WSCD1: variants seen among roughly 807,000 people sequenced by gnomAD.
WSCD1 encodes the protein WSC domain sialate O sulfotransferase 1, also known as sialate:O-sulfotransferase 1.
Under a neutral mutation model 60.4 loss-of-function variants are expected in WSCD1, and 41 were observed. The observed-to-expected ratio is 0.68, with a 90% CI of 0.53 to 0.88. The LOEUF is 0.88. Ranked by LOEUF, WSCD1 falls within the 40% of genes least tolerant of loss-of-function variation. The pLI is 0.00. For missense variants in WSCD1, 784 were observed against 796.2 expected (o/e 0.98, Z 0.18); for synonymous variants, 361 against 332.5 (o/e 1.09, Z -0.93).
chr17:6,101,882 A>G lies in WSCD1; in HGVS notation c.849+6659A>G, dbSNP rs1261016092. 6.6e-6 allele frequency among the ~76,000 whole-genome samples: 1 copy of G among 152,178 alleles called. No homozygotes were observed. Among genetic ancestry groups the G allele is most frequent in the African/African-American group, 2.4e-5 (1 of 41,438 alleles). ...ATATTTGTGCTCAAGTAGATAGGCC[A>G]TTTGTGGGGGTGCTCCGAAAGGAGG... On this transcript the variant is annotated intron_variant, in intron 5 of 8. Coordinates refer to ENST00000317744, the MANE Select transcript of WSCD1 (RefSeq NM_015253.2). This position sits in a 1 kb window ranked among gnomAD's most constrained non-coding sequence, Gnocchi z 4.1.
chr17:6,114,426 G>A (rs1353571420), intron 7 of WSCD1, among the ~76,000 whole-genome samples: 2 of 151,962 alleles, frequency 1.3e-5, no homozygotes, highest in African/African-American at 4.8e-5. Context: ...AAGTCCTAGT[G>A]TTTTATAGCA....
chr17:6,111,906 C>T (rs1017240195), intron 7 of WSCD1, among the ~76,000 whole-genome samples: 4 of 151,956 alleles, frequency 2.6e-5, no homozygotes, highest in South Asian at 2.1e-4. Context: ...TTTTATGATC[C>T]GAATGAGAAA....
At chr17:6,085,001 G>C (rs1909537019) in intron 2 of WSCD1, 1 of 152,230 alleles carries the variant, frequency 6.6e-6, no homozygotes, top group Non-Finnish European at 1.5e-5. Context: ...CAAATGGCCA[G>C]CTGGTCACAG....
At position 6,122,871 on chromosome 17, in the gene WSCD1, T is replaced by C. The variant is rs1904800071; in HGVS notation, c.*2210T>C. ...CAGGCAAGTAGAGTGATGGGGTCAG[T>C]GTCCATCCAGTTTACGCTGAGTCAG... On this transcript the variant is annotated 3_prime_UTR_variant, in exon 9 of 9. Transcript: ENST00000317744. 5 of 152,256 alleles carry C rather than the reference T, an allele frequency of 3.3e-5. No homozygotes were observed. The highest frequency in any genetic ancestry group is 3.3e-4 in the Admixed American group (5 of 15,284). 9.4% of individuals were successfully genotyped at this position (152,256 alleles called of 1,614,324 possible). A position where few individuals can be genotyped will look rare whatever the true frequency, so the allele number is the denominator to read the frequency against.
intron 1 of WSCD1, among the ~76,000 whole-genome samples, chr17:6,076,532 A>G (rs1908874199): frequency 1.3e-5 from 2 of 152,336 alleles, no homozygotes; most frequent in South Asian, 2.1e-4. Flanking sequence ...TTTTGCATTC[A>G]TAACCAATCC....
chr17:6,070,193 G>A (rs1908438067), upstream of WSCD1, among the ~76,000 whole-genome samples: 1 of 151,090 alleles, frequency 6.6e-6, no homozygotes, highest in African/African-American at 2.4e-5. Context: ...AGTGGGTGGC[G>A]GCGTCTCTGC....
chr17:6,078,291 T>C (rs907576858), intron 1 of WSCD1, among the ~76,000 whole-genome samples: 33 of 152,216 alleles, frequency 2.2e-4, no homozygotes, highest in African/African-American at 7.7e-4. Flanking sequence ...TTACAGACTT[T>C]GGAGGGTAAC....
intron 1 of WSCD1, among the ~76,000 whole-genome samples, chr17:6,078,913 G>A (rs1909043379): frequency 6.6e-6 from 1 of 152,096 alleles, no homozygotes; most frequent in Non-Finnish European, 1.5e-5. Context: ...TCTGGGGTGG[G>A]CCTGGCAGAC....
At chr17:6,094,821 A>G (rs1371519353) in intron 4 of WSCD1, among the ~76,000 whole-genome samples, 1 of 151,832 alleles carries the variant, frequency 6.6e-6, no homozygotes, top group East Asian at 1.9e-4. Flanking sequence ...GGAGGAAGGA[A>G]TGACTTATGG....
At chr17:6,096,553 A>G (rs1232050477) in intron 5 of WSCD1, among the ~76,000 whole-genome samples, 1 of 152,182 alleles carries the variant, frequency 6.6e-6, no homozygotes, top group Admixed American at 6.5e-5. Context: ...CTGCGTCACC[A>G]GCATTTCCGA....
At chr17:6,085,229 C>G (rs1327050275) in intron 2 of WSCD1, among the ~76,000 whole-genome samples, 1 of 152,134 alleles carries the variant, frequency 6.6e-6, no homozygotes, top group Non-Finnish European at 1.5e-5. Flanking sequence ...CATCTGTTAT[C>G]TCATTTAATT....
chr17:6,112,408 C>T (rs755884840), intron 7 of WSCD1, among the ~76,000 whole-genome samples: 1 of 152,142 alleles, frequency 6.6e-6, no homozygotes, highest in Non-Finnish European at 1.5e-5. Context: ...GACAAGGATG[C>T]CCACTTTCAC....
At chr17:6,069,160 G>C (rs1908360200), upstream of WSCD1, 7 of 398,550 alleles carry the variant, frequency 1.8e-5, no homozygotes, top group South Asian at 8.9e-4. Context: ...TGCTCCTGCT[G>C]CCTCTGCTGT....
Position 6,080,561 on chromosome 17 carries a change from G to A in WSCD1, c.-98G>A. 1 of 1,321,078 alleles carries A rather than the reference G, an allele frequency of 7.6e-7. No individual in the cohort carries two copies. Among genetic ancestry groups the A allele is most frequent in the Non-Finnish European group, 1.1e-6 (1 of 944,850 alleles). 81.8% of individuals were successfully genotyped at this position (1,321,078 alleles called of 1,614,324 possible). A position where few individuals can be genotyped will look rare whatever the true frequency, so the allele number is the denominator to read the frequency against. On this transcript the variant is annotated 5_prime_UTR_variant, in exon 2 of 9. Transcript: ENST00000317744. This position sits in a 1 kb window ranked among gnomAD's most constrained non-coding sequence, Gnocchi z 6.6. ...AGCACAGGCAGGTGCCAGGAGCCAG[G>A]ATGCAAGGATGACGCCTCCGGAGGC...
intron 8 of WSCD1, among the ~76,000 whole-genome samples, chr17:6,119,665 G>A (rs895893391): frequency 5.9e-5 from 9 of 152,198 alleles, no homozygotes; most frequent in Admixed American, 3.9e-4. Context: ...CTTATGAGCC[G>A]TATAACTCCG....
intron 2 of WSCD1, among the ~76,000 whole-genome samples, chr17:6,084,359 T>A (rs1909484770): frequency 6.6e-6 from 1 of 152,254 alleles, no homozygotes; most frequent in Non-Finnish European, 1.5e-5. Context: ...GGCCCCTTCC[T>A]GTCGTGGGGC....
At chr17:6,096,637 G>A (rs1350031182) in intron 5 of WSCD1, among the ~76,000 whole-genome samples, 1 of 152,244 alleles carries the variant, frequency 6.6e-6, no homozygotes, top group Non-Finnish European at 1.5e-5. Context: ...GCAGTTTGTT[G>A]ATTTGCGGAC....
chr17:6,111,348 G>A (rs1465545609), intron 7 of WSCD1, among the ~76,000 whole-genome samples: 2 of 152,092 alleles, frequency 1.3e-5, no homozygotes, highest in Non-Finnish European at 2.9e-5. Context: ...CCATAAAATT[G>A]GAAGAGGTGA....
intron 1 of WSCD1, among the ~76,000 whole-genome samples, chr17:6,079,293 A>C (rs1909074988): frequency 6.6e-6 from 1 of 152,246 alleles, no homozygotes; most frequent in Non-Finnish European, 1.5e-5. Flanking sequence ...AGTTACGGGC[A>C]GTGGCTTAGT....
Sources: gnomAD v4.1 joint callset for allele counts (sites outside exome capture counted in the v4.1 genomes callset) on GRCh38, gnomAD v4.1.1 for gene constraint, Gnocchi (gnomAD v3.1) non-coding constraint, MANE v1.5 for transcripts, NCBI Gene and HGNC (gene_info 2026-07-23, HGNC 2026-07-21) for gene names.